The following GNL2 variants were observed in gnomAD, a reference collection of about 807,000 sequenced individuals.
GNL2 encodes nucleolar GTP-binding protein 2.
GNL2 carries 51 observed loss-of-function variants against 92.3 expected under a neutral mutation model. That is an observed-to-expected ratio of 0.55 (90% confidence interval 0.44 to 0.70). The LOEUF is 0.70. Ranked by LOEUF, GNL2 falls within the 30% of genes least tolerant of loss-of-function variation. The probability of loss-of-function intolerance (pLI) is 0.00; values close to 1 mark genes in which losing one functional copy is unlikely to be tolerated. For synonymous variants in GNL2, 283 were observed against 300.6 expected, an observed-to-expected ratio of 0.94 and a Z score of 0.61; for missense variants, 844 against 895.6, an observed-to-expected ratio of 0.94 and a Z score of 0.74.
chr1:37,588,446 A>T (rs992526273), intron 4 of GNL2, among the ~76,000 whole-genome samples: 2 of 152,092 alleles, frequency 1.3e-5, no homozygotes, highest in African/African-American at 4.8e-5. Flanking sequence ...AGATGCCCTA[A>T]CCCACAACTC....
At chr1:37,588,640 T>C (rs1643870452) in intron 4 of GNL2, among the ~76,000 whole-genome samples, 1 of 151,884 alleles carries the variant, frequency 6.6e-6, no homozygotes. Flanking sequence ...TACACATTAG[T>C]AAGTATAACA....
chr1:37,592,813 TGAGG>T lies in GNL2; in HGVS notation c.150-11_150-8del, dbSNP rs751453289. 30 of 1,513,054 alleles carry T rather than the reference TGAGG, an allele frequency of 2.0e-5. No individual in the cohort carries two copies. The highest frequency in any genetic ancestry group is 2.8e-5 in the Non-Finnish European group (30 of 1,088,354). The allele number at this position is 1,513,054 out of a possible 1,614,324, so 93.7% of individuals were successfully genotyped here. A position where few individuals can be genotyped will look rare whatever the true frequency, so the allele number is the denominator to read the frequency against. On this transcript the variant is annotated splice_polypyrimidine_tract_variant and splice_region_variant and intron_variant, in intron 2 of 15. Transcript: ENST00000373062. Reference sequence around the variant, plus strand: ...TATTTTACCACGACTGTTCCTAAATTGAGGAAAGAACAGATATTGGTTGACAACA... The same window carrying T: ...TATTTTACCACGACTGTTCCTAAATTAAAGAACAGATATTGGTTGACAACA...
At chr1:37,574,611 T>A in intron 11 of GNL2, 54 bp downstream of exon 11, 1 of 1,557,762 alleles carries the variant, frequency 6.4e-7, no homozygotes. Context: ...CCATATCATA[T>A]ACATACATGC....
intron 13 of GNL2, 58 bp from the exon 14 acceptor site, chr1:37,568,415 C>T: frequency 1.9e-6 from 2 of 1,072,852 alleles, no homozygotes; most frequent in Non-Finnish European, 2.9e-6. Context: ...CACATACTGA[C>T]CTGGAGACCT....
At chr1:37,592,881 T>C in intron 2 of GNL2, 75 bp from the exon 3 acceptor site, 7 of 829,568 alleles carry the variant, frequency 8.4e-6, no homozygotes, top group Non-Finnish European at 1.5e-5. Context: ...ACAGAATATA[T>C]TTTCCATCAA....
chr1:37,585,558 T>C (rs1271767537), intron 5 of GNL2, among the ~76,000 whole-genome samples: 2 of 152,196 alleles, frequency 1.3e-5, no homozygotes, highest in African/African-American at 2.4e-5. Flanking sequence ...CTCTAGGACA[T>C]TTACCCAAGG....
chr1:37,587,198 C>T (rs11582642), intron 5 of GNL2, 113 bp downstream of exon 5: 44,413 of 712,888 alleles, frequency 0.062, 1,761 homozygotes, highest in Non-Finnish European at 0.078. Flanking sequence ...ACCTGGGAAG[C>T]GGAGGTTGCA....
chr1:37,567,605 C>A, intron 15 of GNL2, 68 bp downstream of exon 15: 1 of 1,048,626 alleles, frequency 9.5e-7, no homozygotes, highest in Non-Finnish European at 1.5e-6. Context: ...CCATTTGTTT[C>A]AGTGGGTCTT....
At chr1:37,593,924 C>T in intron 1 of GNL2, 78 bp from the exon 2 acceptor site, 2 of 1,036,104 alleles carry the variant, frequency 1.9e-6, no homozygotes, top group Non-Finnish European at 2.9e-6. Context: ...TAAAATGCAA[C>T]AAGTAGTTCA....
chr1:37,582,235 C>T lies in GNL2; in HGVS notation c.897G>A (p.Arg299=). The part of the protein sequence containing the change: ...FGKGAFIQLL[R]QFGKLHTDKK... ...CAGGGCTCAATACCTTTCCAAACTGCCGCAGAAGCTGAATGAATGCTCCCT... is the reference window on the plus strand; with the variant it reads ...CAGGGCTCAATACCTTTCCAAACTGTCGCAGAAGCTGAATGAATGCTCCCT... Residue 299 remains arginine (R), a synonymous_variant, in exon 8 of 16, where the codon CGG becomes CGA. Coordinates refer to ENST00000373062, the MANE Select transcript of GNL2 (RefSeq NM_013285.3). The T allele has an allele frequency of 6.2e-7, 1 of 1,608,792 alleles. No individual in the cohort carries two copies. Among genetic ancestry groups the T allele is most frequent in the Non-Finnish European group, 8.5e-7 (1 of 1,176,386 alleles).
rs1468486942 is a variant in GNL2, at chr1:37,575,374, A to G, written c.1143+221T>C. 1.7e-4 allele frequency among the ~76,000 whole-genome samples: 26 copies of G among 152,076 alleles called. No individual in the cohort carries two copies. ...TTTGGATCCTGTGTGTAAACTACAA[A>G]CTCTTTTGTGGGATGATATTGACCA... On this transcript the variant is annotated intron_variant, in intron 10 of 15. Coordinates refer to ENST00000373062, the MANE Select transcript of GNL2 (RefSeq NM_013285.3). This position sits in a 1 kb window ranked among gnomAD's most constrained non-coding sequence, Gnocchi z 4.1.
At chr1:37,589,840 TC>T (rs945515120) in intron 4 of GNL2, among the ~76,000 whole-genome samples, 1 of 152,128 alleles carries the variant, frequency 6.6e-6, no homozygotes, top group Non-Finnish European at 1.5e-5. Flanking sequence ...CAGCACCCCT[TC>T]CTTCAGCTGA....
rs758668239 is a variant in GNL2, at chr1:37,566,933, A to G, written c.2118T>C (p.Asn706=). The G allele has an allele frequency of 1.9e-6, 3 of 1,613,182 alleles. No individual in the cohort carries two copies. The highest frequency in any genetic ancestry group is 1.3e-5 in the African/African-American group (1 of 74,686). Residue 706 remains asparagine (N), a synonymous_variant, in exon 16 of 16, where the codon AAT becomes AAC. Transcript: ENST00000373062. The part of the protein sequence containing the change: ...VRYYETHNVK[N]RNRNKKKTND... ...TGGTCTTCTTTTTGTTCCTGTTCCT[A>G]TTTTTCACGTTGTGTGTTTCATAGT...
chr1:37,580,446 C>T (rs1416513828), intron 8 of GNL2, among the ~76,000 whole-genome samples: 1 of 152,216 alleles, frequency 6.6e-6, no homozygotes, highest in African/African-American at 2.4e-5. Context: ...AAGATATTTT[C>T]AGAACGCAAG....
chr1:37,574,318 A>G, intron 12 of GNL2, 25 bp downstream of exon 12: 2 of 1,492,636 alleles, frequency 1.3e-6, no homozygotes, highest in Non-Finnish European at 1.9e-6. Flanking sequence ...CATGCTCCCC[A>G]GAGGTGGGCC....
intron 5 of GNL2, among the ~76,000 whole-genome samples, chr1:37,584,717 C>T (rs147851021): frequency 6.6e-6 from 1 of 152,158 alleles, no homozygotes; most frequent in East Asian, 1.9e-4. Flanking sequence ...TGAAAAAGTT[C>T]TGGAGATGGA....
At chr1:37,594,472 G>A (rs1643909217) in intron 1 of GNL2, among the ~76,000 whole-genome samples, 2 of 152,168 alleles carry the variant, frequency 1.3e-5, no homozygotes, top group Non-Finnish European at 2.9e-5. Context: ...AAGGACAAAC[G>A]AATAGGGTAA....
rs1363454805 is a variant in GNL2 at position 37,569,079 on chromosome 1, A to C, written c.1640T>G (p.Leu547Arg). The change falls in exon 13 of 16, where the codon CTG becomes CGG. Residue 547 changes from leucine (L) to arginine (R), a missense_variant. Coordinates refer to ENST00000373062, the MANE Select transcript of GNL2 (RefSeq NM_013285.3). Reference sequence around the variant, plus strand: ...AAGATCTGACACCTCCACAGGAACCAGGTCATCCCCAGAAAACTGAGGCAC... The same window carrying C: ...AAGATCTGACACCTCCACAGGAACCCGGTCATCCCCAGAAAACTGAGGCAC... The part of the protein sequence containing the change: ...NVVPQFSGDD[L>R]VPVEVSDLEE... 1 of 1,614,204 alleles carries C rather than the reference A, an allele frequency of 6.2e-7. No homozygotes were observed. Among genetic ancestry groups the C allele is most frequent in the South Asian group, 1.1e-5 (1 of 91,086 alleles).
rs552112409 is a variant in GNL2, at chr1:37,590,588, T to C, written c.384+118A>G. 62 of 802,118 alleles carry C rather than the reference T, an allele frequency of 7.7e-5. No homozygotes were observed. In the African/African-American group the frequency reaches 9.3e-4, roughly 12 times the overall value. 49.7% of individuals were successfully genotyped at this position (802,118 alleles called of 1,614,324 possible). A position where few individuals can be genotyped will look rare whatever the true frequency, so the allele number is the denominator to read the frequency against. On this transcript the variant is annotated intron_variant, in intron 4 of 15. Coordinates refer to ENST00000373062, the MANE Select transcript of GNL2 (RefSeq NM_013285.3). Reference sequence around the variant, plus strand: ...GAAAAGAGAGGTCTTAGAAAGTTCATCATTGCTACATTAAAGTCACTATTT... The same window carrying C: ...GAAAAGAGAGGTCTTAGAAAGTTCACCATTGCTACATTAAAGTCACTATTT...
Sources: allele counts gnomAD v4.1 joint callset (sites outside exome capture counted in the v4.1 genomes callset), GRCh38; gene constraint gnomAD v4.1.1; non-coding constraint Gnocchi (gnomAD v3.1); transcripts MANE v1.5; gene names NCBI Gene and HGNC (gene_info 2026-07-23, HGNC 2026-07-21).